Variants in MRTFA observed in about 807,000 individuals in gnomAD.
MRTFA encodes myocardin related transcription factor A.
In MRTFA, 20 loss-of-function variants were observed where a neutral mutation model predicts 83.5. That is an observed-to-expected ratio of 0.24 (90% CI 0.17 to 0.35). MRTFA has a LOEUF of 0.35. MRTFA is among the 10% of genes least tolerant of loss of function. The pLI, the probability that MRTFA is intolerant of heterozygous loss-of-function variation, is 1.00. For synonymous variants in MRTFA, 659 were observed against 541.2 expected (o/e 1.22, Z -3.02); for missense variants, 1,200 against 1,224.7 (o/e 0.98, Z 0.30).
At chr22:40,422,227 G>A (rs993960014) in intron 9 of MRTFA, among the ~76,000 whole-genome samples, 3 of 152,150 alleles carry the variant, frequency 2.0e-5, no homozygotes, top group Non-Finnish European at 4.4e-5. Flanking sequence ...GGCAGGGAAA[G>A]CACAACCAAG....
intron 1 of MRTFA, among the ~76,000 whole-genome samples, chr22:40,602,104 C>T (rs1040383737): frequency 2.6e-5 from 4 of 152,132 alleles, no homozygotes; most frequent in Non-Finnish European, 4.4e-5. Flanking sequence ...AAAGCACCTA[C>T]GAAGAAGAAC....
At chr22:40,483,575 C>T (rs1401593716) in intron 3 of MRTFA, among the ~76,000 whole-genome samples, 1 of 151,442 alleles carries the variant, frequency 6.6e-6, no homozygotes, top group Non-Finnish European at 1.5e-5. Context: ...GTCCCAGCTA[C>T]TCGGGAGGCT....
intron 3 of MRTFA, among the ~76,000 whole-genome samples, chr22:40,493,708 A>G (rs2054306652): frequency 6.6e-6 from 1 of 152,244 alleles, no homozygotes; most frequent in Non-Finnish European, 1.5e-5. Context: ...ACTCCCAGAC[A>G]TTACTGAGGA....
chr22:40,591,443 A>G (rs1218500703), intron 2 of MRTFA, among the ~76,000 whole-genome samples: 1 of 152,240 alleles, frequency 6.6e-6, no homozygotes, highest in Non-Finnish European at 1.5e-5. Flanking sequence ...TATATAAAGA[A>G]GAGGAGGAAA....
At chr22:40,539,854 T>C (rs2055258506) in intron 3 of MRTFA, among the ~76,000 whole-genome samples, 1 of 151,634 alleles carries the variant, frequency 6.6e-6, no homozygotes, top group Non-Finnish European at 1.5e-5. Context: ...TTAAATTTTA[T>C]AAATTCCTTA....
At chr22:40,445,081 A>C (rs962021174) in intron 4 of MRTFA, among the ~76,000 whole-genome samples, 5 of 152,256 alleles carry the variant, frequency 3.3e-5, no homozygotes, top group Middle Eastern at 3.4e-3. Flanking sequence ...AAATAAATAA[A>C]AATTATCAAG....
rs776339457 is a variant in MRTFA, at chr22:40,419,283, G to A, written c.1455C>T (p.Ser485=). Residue 485 remains serine, a synonymous_variant, in exon 12 of 15, where the codon AGC becomes AGT. Coordinates refer to ENST00000355630, the MANE Select transcript of MRTFA (RefSeq NM_020831.6). Reference sequence around the variant, plus strand: ...GGGCCTTGGGGGCTCCTGGCACAGGGCTGATTTGGTCTTGATAGGCTCGAA... The same window carrying A: ...GGGCCTTGGGGGCTCCTGGCACAGGACTGATTTGGTCTTGATAGGCTCGAA... 1.9e-6 allele frequency: 3 copies of A among 1,613,836 alleles called. No homozygotes were observed. Among genetic ancestry groups the A allele is most frequent in the East Asian group, 2.2e-5 (1 of 44,868 alleles).
rs1377143888 is a variant in MRTFA at position 40,418,605 on chromosome 22, A to G, written c.2133T>C (p.Pro711=). 1.3e-6 allele frequency: 2 copies of G among 1,544,082 alleles called. No individual in the cohort carries two copies. Among genetic ancestry groups the G allele is most frequent in the Admixed American group, 4.2e-5 (2 of 47,508 alleles). Residue 711 remains proline, a synonymous_variant, in exon 12 of 15, where the codon CCT becomes CCC. Coordinates refer to ENST00000355630, the MANE Select transcript of MRTFA (RefSeq NM_020831.6). The stretch of plus-strand genomic sequence containing the variant: ...ACGGGGGCCCCGGGGCCACAGCACA[A>G]GGGTCTATGTGGTTGGTGGCTGGGG...
chr22:40,551,913 G>T (rs1440055209), intron 3 of MRTFA, among the ~76,000 whole-genome samples, 193 bp downstream of exon 3: 8 of 152,082 alleles, frequency 5.3e-5, no homozygotes, highest in Non-Finnish European at 1.2e-4. Context: ...AAATTAGAAA[G>T]AAATTATAAT....
chr22:40,419,130 C>T lies in MRTFA; in HGVS notation c.1608G>A (p.Val536=), dbSNP rs760659961. Residue 536 remains valine, a synonymous_variant, in exon 12 of 15, where the codon GTG becomes GTA. Coordinates refer to ENST00000355630, the MANE Select transcript of MRTFA (RefSeq NM_020831.6). ...CAAACTTCACCACCCCACTGCTGGC[C>T]ACCGTGGCCACCACCACCTCAGCTG... 5.0e-6 allele frequency: 8 copies of T among 1,587,230 alleles called. No individual in the cohort carries two copies. Among genetic ancestry groups the T allele is most frequent in the South Asian group, 1.1e-5 (1 of 88,328 alleles).
At chr22:40,517,259 AG>A in intron 3 of MRTFA, among the ~76,000 whole-genome samples, 1 of 152,118 alleles carries the variant, frequency 6.6e-6, no homozygotes, top group East Asian at 1.9e-4. Context: ...AAAAAGTTGG[AG>A]GTTTTTTTGT....
At chr22:40,430,634 G>A (rs974899452) in intron 6 of MRTFA, among the ~76,000 whole-genome samples, 1 of 152,058 alleles carries the variant, frequency 6.6e-6, no homozygotes, top group Non-Finnish European at 1.5e-5. Context: ...CGAGGTGGGT[G>A]GATCACCTGA....
At chr22:40,451,836 A>AT (rs200043287) in intron 4 of MRTFA, among the ~76,000 whole-genome samples, 13 of 152,148 alleles carry the variant, frequency 8.5e-5, no homozygotes, top group East Asian at 1.9e-4. Flanking sequence ...GTGCAAACCA[A>AT]TTTTTTTAAA....
At chr22:40,455,662 A>C (rs2053571908) in intron 4 of MRTFA, among the ~76,000 whole-genome samples, 2 of 145,028 alleles carry the variant, frequency 1.4e-5, no homozygotes, top group Admixed American at 6.9e-5. Flanking sequence ...AAAAAAAAAA[A>C]AACATATGGA....
Position 40,410,318 on chromosome 22 carries a change from C to T in MRTFA, c.*1072G>A. 2 of 380,352 alleles carry T rather than the reference C, an allele frequency of 5.3e-6. No individual in the cohort carries two copies. The highest frequency in any genetic ancestry group is 7.9e-6 in the Non-Finnish European group (2 of 254,076). The allele number at this position is 380,352 out of a possible 1,614,324, so 23.6% of individuals were successfully genotyped here. The stretch of plus-strand genomic sequence containing the variant: ...GTTTTTGTGTTTATTTTAAAAAGTT[C>T]ACACACCTTCCCCATCTTTGTCCCA... On this transcript the variant is annotated 3_prime_UTR_variant, in exon 15 of 15. Transcript: ENST00000355630.
chr22:40,443,028 G>T (rs2053307625), intron 4 of MRTFA, among the ~76,000 whole-genome samples: 1 of 152,096 alleles, frequency 6.6e-6, no homozygotes, highest in Non-Finnish European at 1.5e-5. Context: ...GGTCGGGGGG[G>T]ATCACTTGAG....
At chr22:40,514,228 G>T (rs913559441) in intron 3 of MRTFA, among the ~76,000 whole-genome samples, 7 of 151,976 alleles carry the variant, frequency 4.6e-5, no homozygotes, top group Non-Finnish European at 1.0e-4. Flanking sequence ...TCCAGCCTGG[G>T]CAACAGAGCA....
chr22:40,595,612 TAAGAC>T (rs1166828832), intron 1 of MRTFA, among the ~76,000 whole-genome samples: 1 of 152,054 alleles, frequency 6.6e-6, no homozygotes, highest in Non-Finnish European at 1.5e-5. Flanking sequence ...ACTGGACAGA[TAAGAC>T]AAAACAAAAA....
At chr22:40,501,061 C>T (rs368202877) in intron 3 of MRTFA, among the ~76,000 whole-genome samples, 1 of 115,522 alleles carries the variant, frequency 8.7e-6, no homozygotes, top group South Asian at 3.4e-4. Flanking sequence ...GGCGGCTGGC[C>T]GGGCAGAGGG....
Sources: allele counts gnomAD v4.1 joint callset (sites outside exome capture counted in the v4.1 genomes callset), GRCh38; gene constraint gnomAD v4.1.1; transcripts MANE v1.5; gene names NCBI Gene and HGNC (gene_info 2026-07-23, HGNC 2026-07-21).